Variants in UBXN8 observed in about 807,000 individuals in gnomAD.
UBXN8 encodes the protein UBX domain protein 8.
In UBXN8, 27 loss-of-function variants were observed where a neutral mutation model predicts 32.1. That is an observed-to-expected ratio of 0.84 (90% CI 0.62 to 1.16). The LOEUF (loss-of-function observed/expected upper bound fraction) is 1.16. Ranked by LOEUF, UBXN8 falls within the 50% of genes most tolerant of loss-of-function variation. The pLI, the probability that UBXN8 is intolerant of heterozygous loss-of-function variation, is 0.00. For synonymous variants in UBXN8, 109 were observed against 111.8 expected (o/e 0.98, Z 0.16); for missense variants, 306 against 311.4 (o/e 0.98, Z 0.13).
chr8:30,752,353 A>C (rs537934607), intron 2 of UBXN8, among the ~76,000 whole-genome samples: 1 of 151,620 alleles, frequency 6.6e-6, no homozygotes. Flanking sequence ...TCTGTCACCC[A>C]GGCTGGAATG....
At chr8:30,734,919 A>T (rs1000653939) in intron 1 of UBXN8, among the ~76,000 whole-genome samples, 1 of 152,162 alleles carries the variant, frequency 6.6e-6, no homozygotes, top group African/African-American at 2.4e-5. Context: ...TTCCAGCCTG[A>T]GCAACAGAGT....
At chr8:30,766,190 A>G (rs1340655622) in intron 7 of UBXN8, 37 bp from the exon 8 acceptor site, 12 of 1,588,124 alleles carry the variant, frequency 7.6e-6, no homozygotes, top group Non-Finnish European at 1.0e-5. Context: ...TGTGTAAAGT[A>G]TTTGATAATG....
intron 7 of UBXN8, among the ~76,000 whole-genome samples, chr8:30,764,961 A>C (rs1351523894): frequency 6.6e-6 from 1 of 152,192 alleles, no homozygotes; most frequent in Non-Finnish European, 1.5e-5. Flanking sequence ...GAGGCAGGAG[A>C]ATCGCTTGAA....
At chr8:30,755,064 T>G (rs551359099) in intron 4 of UBXN8, among the ~76,000 whole-genome samples, 1 of 149,372 alleles carries the variant, frequency 6.7e-6, no homozygotes, top group East Asian at 2.1e-4. Context: ...CATGCCATTC[T>G]CCTGCCTCAG....
At chr8:30,748,608 T>G (rs1393983291) in intron 1 of UBXN8, among the ~76,000 whole-genome samples, 2 of 152,152 alleles carry the variant, frequency 1.3e-5, no homozygotes, top group Non-Finnish European at 2.9e-5. Context: ...TGGCATGATC[T>G]CTGCTCACTG....
At chr8:30,742,561 C>G (rs566479145), upstream of UBXN8, among the ~76,000 whole-genome samples, 2 of 151,898 alleles carry the variant, frequency 1.3e-5, no homozygotes, top group Non-Finnish European at 2.9e-5. Context: ...AGAGGGGTCT[C>G]GAACTCCTGA....
intron 4 of UBXN8, among the ~76,000 whole-genome samples, chr8:30,755,760 GAAAAAAAAA>G (rs34287599): frequency 9.0e-5 from 8 of 88,920 alleles, no homozygotes; most frequent in African/African-American, 5.2e-5. Flanking sequence ...CCTTTCTCCA[GAAAAAAAAA>G]AAAAAAAAAA....
At chr8:30,757,041 C>T (rs1287260768) in intron 5 of UBXN8, among the ~76,000 whole-genome samples, 154 bp downstream of exon 5, 2 of 152,022 alleles carry the variant, frequency 1.3e-5, no homozygotes, top group African/African-American at 4.8e-5. Context: ...CCAGAATAGG[C>T]CGGGCATGGT....
chr8:30,743,495 G>A (rs1805262453), upstream of UBXN8, among the ~76,000 whole-genome samples: 2 of 152,196 alleles, frequency 1.3e-5, no homozygotes, highest in Non-Finnish European at 2.9e-5. Flanking sequence ...TAGATTGGGA[G>A]GACCTCAGTA....
chr8:30,744,434 T>G (rs1805305281), intron 1 of UBXN8, 157 bp downstream of exon 1: 1 of 703,824 alleles, frequency 1.4e-6, no homozygotes, highest in African/African-American at 1.8e-5. Flanking sequence ...GGAGCTGACT[T>G]CACTTCGAGG....
At chr8:30,731,533 C>T (rs1301509976), upstream of UBXN8, among the ~76,000 whole-genome samples, 4 of 152,172 alleles carry the variant, frequency 2.6e-5, no homozygotes, top group Non-Finnish European at 4.4e-5. Flanking sequence ...TTACAGAGCA[C>T]GGCTCTTTGC....
chr8:30,759,832 C>T (rs1353390273), intron 5 of UBXN8, among the ~76,000 whole-genome samples: 2 of 151,384 alleles, frequency 1.3e-5, no homozygotes, highest in African/African-American at 4.8e-5. Context: ...TGGCAGGCGC[C>T]TGTAGTCCTA....
chr8:30,744,243 G>A lies in UBXN8; in HGVS notation c.54G>A (p.Val18=). The change falls in exon 1 of 8, where the codon GTG becomes GTA. Residue 18 remains valine, a synonymous_variant. Transcript: ENST00000265616. Reference sequence around the variant, plus strand: ...TCTTCCTCTCTGCTGTCCCCCTTGTGTGTCTGGAGCTCCGGCGTGGGATCC... The same window carrying A: ...TCTTCCTCTCTGCTGTCCCCCTTGTATGTCTGGAGCTCCGGCGTGGGATCC... ...GIFFLSAVPL[V]CLELRRGIPD... The A allele has an allele frequency of 6.2e-7, 1 of 1,613,920 alleles. No homozygotes were observed. Among genetic ancestry groups the A allele is most frequent in the Non-Finnish European group, 8.5e-7 (1 of 1,179,870 alleles).
In UBXN8 at chr8:30,756,888, G is replaced by A. The variant is rs760980553; in HGVS notation, c.528+1G>A. Reference sequence around the variant, plus strand: ...TGCTGAACAGCCCACATGCAAGGAGGTAAAGTACTTCATGCCTCTCATTGA... The same window carrying A: ...TGCTGAACAGCCCACATGCAAGGAGATAAAGTACTTCATGCCTCTCATTGA... On this transcript the variant is annotated splice_donor_variant, in intron 5 of 7. Transcript: ENST00000265616. LOFTEE classifies it high-confidence loss of function. 1.2e-5 allele frequency: 20 copies of A among 1,613,860 alleles called. No individual in the cohort carries two copies. In the South Asian group the frequency reaches 2.2e-4, roughly 18 times the overall value.
intron 1 of UBXN8, chr8:30,734,338 C>G (rs1238620717): frequency 6.6e-6 from 1 of 152,170 alleles, no homozygotes; most frequent in African/African-American, 2.4e-5. Flanking sequence ...CCATTTTGGG[C>G]TGGGTGCAGT....
upstream of UBXN8, among the ~76,000 whole-genome samples, chr8:30,739,908 G>GT (rs111277339): frequency 0.25 from 38,268 of 151,598 alleles, 5,524 homozygotes; most frequent in African/African-American, 0.4. Flanking sequence ...AATGCTTTTT[G>GT]CTTTTTGTTT....
intron 4 of UBXN8, among the ~76,000 whole-genome samples, chr8:30,755,312 C>T (rs932662675): frequency 1.3e-5 from 2 of 152,046 alleles, no homozygotes; most frequent in African/African-American, 2.4e-5. Flanking sequence ...TGCAGTGGCA[C>T]GATCATAGCT....
chr8:30,736,784 T>C (rs1052890168), intron 1 of UBXN8, among the ~76,000 whole-genome samples: 2 of 152,180 alleles, frequency 1.3e-5, no homozygotes, highest in African/African-American at 4.8e-5. Context: ...TTGTTTATTT[T>C]TGAATTGTAT....
chr8:30,765,063 A>C (rs762661011), intron 7 of UBXN8, among the ~76,000 whole-genome samples: 6 of 152,012 alleles, frequency 3.9e-5, no homozygotes, highest in Non-Finnish European at 7.4e-5. Context: ...ACAAAACAAA[A>C]CAAAACCTTT....
Sources: allele counts gnomAD v4.1 joint callset (sites outside exome capture counted in the v4.1 genomes callset), GRCh38; gene constraint gnomAD v4.1.1; transcripts MANE v1.5; gene names NCBI Gene and HGNC (gene_info 2026-07-23, HGNC 2026-07-21).